The following PTGFRN variants were observed in gnomAD, a reference collection of about 807,000 sequenced individuals.
The protein encoded by PTGFRN is prostaglandin F2 receptor inhibitor, also known as prostaglandin F2 receptor negative regulator.
In PTGFRN, 35 loss-of-function variants were observed where a neutral mutation model predicts 83.2. The ratio of observed to expected loss-of-function variants is 0.42; its 90% CI spans 0.32 to 0.56. The LOEUF (loss-of-function observed/expected upper bound fraction) is 0.56, where lower values mean the gene tolerates loss of function less well. Among genes scored for constraint, PTGFRN ranks in the 20% least tolerant of loss-of-function variants. PTGFRN has a pLI of 0.11. For missense variants in PTGFRN, 1,051 were observed against 1,179.5 expected (o/e 0.89, Z 1.60); for synonymous variants, 519 against 498.6 (o/e 1.04, Z -0.55).
Position 116,942,007 on chromosome 1 carries a change from A to G in PTGFRN, c.342A>G (p.Gln114=). The G allele has an allele frequency of 6.2e-7, 1 of 1,614,180 alleles. No homozygotes were observed. The highest frequency in any genetic ancestry group is 8.5e-7 in the Non-Finnish European group (1 of 1,180,038). ...LHIKNVQPSD[Q]GHYKCSTPST... ...TAAAGAACGTCCAGCCTTCAGACCA[A>G]GGCCACTACAAATGTTCAACCCCCA... The change falls in exon 2 of 9, where the codon CAA becomes CAG. Residue 114 remains glutamine, a synonymous_variant. Coordinates refer to ENST00000393203, the MANE Select transcript of PTGFRN (RefSeq NM_020440.4).
At chr1:116,986,599 G>A (rs575485699) in intron 8 of PTGFRN, among the ~76,000 whole-genome samples, 20 of 152,340 alleles carry the variant, frequency 1.3e-4, no homozygotes, top group African/African-American at 4.8e-4. Flanking sequence ...GCAGAGCTGG[G>A]TAGGAAGACA....
chr1:116,981,133 A>G (rs781523132), intron 7 of PTGFRN, among the ~76,000 whole-genome samples: 5 of 152,184 alleles, frequency 3.3e-5, no homozygotes, highest in Non-Finnish European at 5.9e-5. Flanking sequence ...AGCCTCATTT[A>G]GTGACCAGTT....
intron 2 of PTGFRN, among the ~76,000 whole-genome samples, chr1:116,943,222 C>T (rs1297914802): frequency 1.3e-5 from 2 of 152,152 alleles, no homozygotes; most frequent in Admixed American, 1.3e-4. Flanking sequence ...TAAAACTGTC[C>T]ATTAAGGAGG....
intron 4 of PTGFRN, among the ~76,000 whole-genome samples, chr1:116,957,594 A>G (rs1490418221): frequency 6.6e-6 from 1 of 152,142 alleles, no homozygotes; most frequent in Non-Finnish European, 1.5e-5. Context: ...TAACATATCC[A>G]TTACCTCACA....
At position 116,913,884 on chromosome 1, in the gene PTGFRN, G is replaced by A. The variant is rs142845913; in HGVS notation, c.49+3632G>A. On this transcript the variant is annotated intron_variant, in intron 1 of 8. Transcript: ENST00000393203. ...GAGTAGAAGGCATGGAGATTGTAGG[G>A]TGGGATTAACACATTCTCTTTATGT... 1.1e-3 allele frequency among the ~76,000 whole-genome samples: 175 copies of A among 152,308 alleles called. 4 individuals are homozygous for A. Among genetic ancestry groups the A allele is most frequent in the Admixed American group, 9.5e-3 (145 of 15,296 alleles).
At chr1:116,921,275 C>T (rs75193682) in intron 1 of PTGFRN, among the ~76,000 whole-genome samples, 3,542 of 152,232 alleles carry the variant, frequency 0.023, 134 homozygotes, top group African/African-American at 0.08. Flanking sequence ...TACTGAGAAG[C>T]GAATATTAGC....
chr1:116,975,855 G>A (rs964910248), intron 7 of PTGFRN, among the ~76,000 whole-genome samples: 2 of 152,200 alleles, frequency 1.3e-5, no homozygotes, highest in South Asian at 2.1e-4. Flanking sequence ...CTCCAGCAAC[G>A]GAACAAAGCT....
rs982784457 is a variant in PTGFRN, at chr1:116,952,216, G to C, written c.1213+2644G>C. Among the ~76,000 whole-genome samples the C allele has an allele frequency of 1.7e-4, 26 of 152,162 alleles. No homozygotes were observed. The highest frequency in any genetic ancestry group is 5.6e-4 in the African/African-American group (23 of 41,418). ...ACTCAGCTTCATTCCTGAAACTCCAGAGCATAGTCCTAAGAGCTGGGTAGT... is the reference window on the plus strand; with the variant it reads ...ACTCAGCTTCATTCCTGAAACTCCACAGCATAGTCCTAAGAGCTGGGTAGT... On this transcript the variant is annotated intron_variant, in intron 4 of 8. Transcript: ENST00000393203. This position sits in a 1 kb window ranked among gnomAD's most constrained non-coding sequence, Gnocchi z 4.0.
intron 2 of PTGFRN, 109 bp downstream of exon 2, chr1:116,942,192 C>T: frequency 1.5e-6 from 2 of 1,371,928 alleles, no homozygotes; most frequent in South Asian, 1.4e-5. Flanking sequence ...CTGCTCCCTC[C>T]TCTGTCCAGG....
intron 4 of PTGFRN, among the ~76,000 whole-genome samples, chr1:116,960,094 C>CT (rs1175534348): frequency 1.8e-4 from 27 of 152,186 alleles, no homozygotes; most frequent in African/African-American, 6.0e-4. Flanking sequence ...GAGGATGAGA[C>CT]TATAAGCAAA....
chr1:116,944,715 G>A lies in PTGFRN; in HGVS notation c.455G>A (p.Arg152Gln). The change falls in exon 3 of 9, where the codon CGG becomes CAG. Residue 152 changes from arginine to glutamine, a missense_variant. By Grantham distance (43) the Arg-to-Gln change is conservative. Coordinates refer to ENST00000393203, the MANE Select transcript of PTGFRN (RefSeq NM_020440.4). ...ADSLHVGPSA[R>Q]PPPSLSLREG... ...TCCCTGCACGTGGGCCCCAGCGCGC[G>A]GCCCCCGCCGAGCCTGAGCCTGCGG... is the stretch of plus-strand genomic sequence containing the variant. 3.5e-6 allele frequency: 5 copies of A among 1,410,276 alleles called. No homozygotes were observed. The highest frequency in any genetic ancestry group is 3.7e-6 in the Non-Finnish European group (4 of 1,088,572). The allele number at this position is 1,410,276 out of a possible 1,614,324, so 87.4% of individuals were successfully genotyped here.
In PTGFRN at chr1:116,961,592, CA is replaced by C; in HGVS notation, c.1566del (p.Lys522AsnfsTer8). The C allele has an allele frequency of 1.9e-6, 3 of 1,614,210 alleles. No individual in the cohort carries two copies. The highest frequency in any genetic ancestry group is 2.5e-6 in the Non-Finnish European group (3 of 1,180,032). On this transcript the variant is annotated frameshift_variant, in exon 5 of 9. Coordinates refer to ENST00000393203, the MANE Select transcript of PTGFRN (RefSeq NM_020440.4). LOFTEE classifies it high-confidence loss of function. The surrounding 1 kb of genome is among the most constrained non-coding windows in gnomAD (Gnocchi z 5.4). ...ATTACTGTGTTGTGTCTGCCTGGAC[CA>C]AACAGCGGAACAACAGCTGGGTGAA... ...NYYCVVSAWT[K>X]QRNNSWVKSK... is the part of the protein sequence containing the mutation.
intron 3 of PTGFRN, among the ~76,000 whole-genome samples, chr1:116,946,239 T>G (rs1029847308): frequency 6.6e-6 from 1 of 152,184 alleles, no homozygotes; most frequent in Non-Finnish European, 1.5e-5. Flanking sequence ...AGGTGCATTG[T>G]CCTGAGCTCT....
chr1:116,951,044 G>A (rs1156380112), intron 4 of PTGFRN, among the ~76,000 whole-genome samples: 1 of 152,098 alleles, frequency 6.6e-6, no homozygotes, highest in Non-Finnish European at 1.5e-5. Context: ...GTATTGTATG[G>A]TGCTGTCAAA....
At chr1:116,939,790 A>G (rs1650016965) in intron 1 of PTGFRN, among the ~76,000 whole-genome samples, 1 of 152,222 alleles carries the variant, frequency 6.6e-6, no homozygotes, top group Admixed American at 6.5e-5. Context: ...AAAGCACCCA[A>G]GTCACCTCTT....
rs143073499 is a variant in PTGFRN, at chr1:116,949,262, C to T, written c.903C>T (p.Ile301=). The change falls in exon 4 of 9, where the codon ATC becomes ATT. Residue 301 remains isoleucine, a synonymous_variant. Transcript: ENST00000393203. ...EGKELDLTCN[I]TTDRADDVRP... The stretch of plus-strand genomic sequence containing the variant: ...AGGAACTGGACCTGACCTGTAACAT[C>T]ACAACAGACCGAGCCGATGACGTCC... 9 of 1,614,162 alleles carry T rather than the reference C, an allele frequency of 5.6e-6. No homozygotes were observed. The African/African-American group carries it at 1.2e-4, about 22-fold the overall frequency.
rs1026232586 is a variant in PTGFRN at position 116,987,368 on chromosome 1, G to T, written c.*401G>T. 3 of 197,808 alleles carry T rather than the reference G, an allele frequency of 1.5e-5. No individual in the cohort carries two copies. The highest frequency in any genetic ancestry group is 5.5e-5 in the Admixed American group (1 of 18,260). 12.3% of individuals were successfully genotyped at this position (197,808 alleles called of 1,614,324 possible). A position where few individuals can be genotyped will look rare whatever the true frequency, so the allele number is the denominator to read the frequency against. On this transcript the variant is annotated 3_prime_UTR_variant, in exon 9 of 9. Coordinates refer to ENST00000393203, the MANE Select transcript of PTGFRN (RefSeq NM_020440.4). The stretch of plus-strand genomic sequence containing the variant: ...ATCTTCAGTGAGAATGTGCCTGCCC[G>T]CCTGAGAGCCAGCTTCCGCGTTGGA...
intron 1 of PTGFRN, among the ~76,000 whole-genome samples, chr1:116,910,538 C>T (rs1325895123): frequency 6.6e-6 from 1 of 151,910 alleles, no homozygotes; most frequent in Non-Finnish European, 1.5e-5. Context: ...CCGGGGCCGT[C>T]TTTCCCCCAG....
rs75737299 is a variant in PTGFRN, at chr1:116,951,725, A to G, written c.1213+2153A>G. Among the ~76,000 whole-genome samples, 58 of 152,100 alleles carry G rather than the reference A, an allele frequency of 3.8e-4. 1 individual carries two copies. In the East Asian group the frequency reaches 0.01, roughly 26 times the overall value. Reference sequence around the variant, plus strand: ...CTGTGCCTATGACTCAGACCATTACAGCTGCTTGGACACTTGTCAGGAGCG... The same window carrying G: ...CTGTGCCTATGACTCAGACCATTACGGCTGCTTGGACACTTGTCAGGAGCG... On this transcript the variant is annotated intron_variant, in intron 4 of 8. Coordinates refer to ENST00000393203, the MANE Select transcript of PTGFRN (RefSeq NM_020440.4).
Sources: allele counts gnomAD v4.1 joint callset (sites outside exome capture counted in the v4.1 genomes callset), GRCh38; gene constraint gnomAD v4.1.1; non-coding constraint Gnocchi (gnomAD v3.1); transcripts MANE v1.5; gene names NCBI Gene and HGNC (gene_info 2026-07-23, HGNC 2026-07-21).